The following KIF21B variants were observed in gnomAD, a reference collection of about 807,000 sequenced individuals.
KIF21B encodes the protein kinesin family member 21B, also known as kinesin-like protein KIF21B.
KIF21B carries 85 observed loss-of-function variants against 192.9 expected under a neutral mutation model. The observed-to-expected ratio is 0.44, with a 90% confidence interval of 0.37 to 0.53. KIF21B has a LOEUF of 0.53. Among genes scored for constraint, KIF21B ranks in the 20% least tolerant of loss-of-function variants. The probability of loss-of-function intolerance (pLI) is 0.00; values close to 1 mark genes in which losing one functional copy is unlikely to be tolerated. For missense variants in KIF21B, 1,716 were observed against 2,194.8 expected (o/e 0.78, Z 4.36); for synonymous variants, 832 against 884.6 (o/e 0.94, Z 1.05).
intron 3 of KIF21B, among the ~76,000 whole-genome samples, chr1:201,006,604 C>T (rs547847689): frequency 6.6e-6 from 1 of 152,278 alleles, no homozygotes; most frequent in South Asian, 2.1e-4. Context: ...GTCTGTCTGT[C>T]TGTGTTGGGG....
At position 200,975,408 on chromosome 1, in the gene KIF21B, C is replaced by T. The variant is rs2271144; in HGVS notation, c.4614+91G>A. ...TGAAAACCATCTGGCCTGGGGCCCG[C>T]GAGTCCAGGTCCCAGGGTCTCCAAG... On this transcript the variant is annotated intron_variant, in intron 33 of 34. Transcript: ENST00000461742. This position sits in a 1 kb window ranked among gnomAD's most constrained non-coding sequence, Gnocchi z 4.3. The T allele has an allele frequency of 0.02, 23,894 of 1,221,324 alleles. 1,031 individuals are homozygous for T. The highest frequency in any genetic ancestry group is 0.12 in the East Asian group (4,828 of 41,842). 75.7% of individuals were successfully genotyped at this position (1,221,324 alleles called of 1,614,324 possible). A position where few individuals can be genotyped will look rare whatever the true frequency, so the allele number is the denominator to read the frequency against.
intron 30 of KIF21B, among the ~76,000 whole-genome samples, chr1:200,977,591 C>T (rs1388245061): frequency 6.6e-6 from 1 of 152,142 alleles, no homozygotes; most frequent in African/African-American, 2.4e-5. Flanking sequence ...ATGTGGCCTG[C>T]CCATGTGCCT....
chr1:200,999,503 A>C lies in KIF21B; in HGVS notation c.1768-37T>G. 6.2e-7 allele frequency: 1 copy of C among 1,603,436 alleles called. No homozygotes were observed. Among genetic ancestry groups the C allele is most frequent in the Non-Finnish European group, 8.5e-7 (1 of 1,174,222 alleles). On this transcript the variant is annotated intron_variant, in intron 12 of 34. Transcript: ENST00000461742. The surrounding 1 kb of genome is among the most constrained non-coding windows in gnomAD (Gnocchi z 4.7). ...GCACCATTGGGGTGGGCCTGGCCTC[A>C]GAGAGGGGAGCCCAGAAGCAGAGGT... is the stretch of plus-strand genomic sequence containing the variant.
At chr1:201,020,808 TACACACACACACAC>T (rs60686711) in intron 1 of KIF21B, among the ~76,000 whole-genome samples, 1 of 142,814 alleles carries the variant, frequency 7.0e-6, no homozygotes, top group South Asian at 2.2e-4. Context: ...CTCTCTCCTC[TACACACACACACAC>T]ACACACACAC....
At chr1:201,016,091 T>C (rs116031672) in intron 1 of KIF21B, among the ~76,000 whole-genome samples, 1 of 152,240 alleles carries the variant, frequency 6.6e-6, no homozygotes, top group South Asian at 2.1e-4. Flanking sequence ...CCCATGTTAC[T>C]AAGGCTCAGC....
In KIF21B at chr1:201,000,404, C is replaced by T. The variant is rs965362431; in HGVS notation, c.1671G>A (p.Arg557=). 7 of 1,557,118 alleles carry T rather than the reference C, an allele frequency of 4.5e-6. No homozygotes were observed. In the African/African-American group the frequency reaches 8.3e-5, roughly 18 times the overall value. The change falls in exon 11 of 35, where the codon AGG becomes AGA. Residue 557 remains arginine, a synonymous_variant. Coordinates refer to ENST00000461742, the MANE Select transcript of KIF21B (RefSeq NM_001252102.2). The surrounding 1 kb of genome is among the most constrained non-coding windows in gnomAD (Gnocchi z 6.0). ...ACTCCACTCACCTCTTCCTCCGCTG[C>T]CTGACCTCCTTCTTCTTTAGCCGCT... ...DLERLKKKEV[R]QRRKSPEKEA...
chr1:200,981,317 A>G (rs1461632488), intron 28 of KIF21B, among the ~76,000 whole-genome samples: 1 of 152,232 alleles, frequency 6.6e-6, no homozygotes, highest in Admixed American at 6.5e-5. Context: ...ATCAGTTGCC[A>G]TCCTGAGCAC....
rs1655993987 is a variant in KIF21B, at chr1:200,982,384, C to T, written c.3842+672G>A. On this transcript the variant is annotated intron_variant, in intron 28 of 34. Coordinates refer to ENST00000461742, the MANE Select transcript of KIF21B (RefSeq NM_001252102.2). This position sits in a 1 kb window ranked among gnomAD's most constrained non-coding sequence, Gnocchi z 4.7. Reference sequence around the variant, plus strand: ...AGGAGAGCCGAGGAAGCTCTCAGCCCACGAGGGGCCCTTGGCTTGTCAGGG... The same window carrying T: ...AGGAGAGCCGAGGAAGCTCTCAGCCTACGAGGGGCCCTTGGCTTGTCAGGG... Among the ~76,000 whole-genome samples, 1 of 152,206 alleles carries T rather than the reference C, an allele frequency of 6.6e-6. No homozygotes were observed. The highest frequency in any genetic ancestry group is 1.5e-5 in the Non-Finnish European group (1 of 68,036).
chr1:200,989,490 G>C (rs1656530872), intron 21 of KIF21B, among the ~76,000 whole-genome samples: 1 of 152,218 alleles, frequency 6.6e-6, no homozygotes, highest in African/African-American at 2.4e-5. Context: ...CTGTCAAGGA[G>C]AGAGAAGAGG....
chr1:200,992,386 C>T lies in KIF21B; in HGVS notation c.2281G>A (p.Ala761Thr), dbSNP rs1656761893. ...EVAEMKKAKV[A>T]LMKQMREEQQ... Reference sequence around the variant, plus strand: ...TCCTCACGCATCTGCTTCATCAGGGCCACCTGGGATGGGCAGAGATTATGG... The same window carrying T: ...TCCTCACGCATCTGCTTCATCAGGGTCACCTGGGATGGGCAGAGATTATGG... The change falls in exon 16 of 35, where the codon GCC (alanine) becomes ACC (threonine). Residue 761 changes from alanine to threonine, a missense_variant. Physicochemically the swap from Ala to Thr is moderately conservative, Grantham distance 58. This residue lies in a region of KIF21B where 1,087 missense variants were observed against 1,316.6 expected (regional missense o/e 0.83). Coordinates refer to ENST00000461742, the MANE Select transcript of KIF21B (RefSeq NM_001252102.2). 3 of 1,612,492 alleles carry T rather than the reference C, an allele frequency of 1.9e-6. No homozygotes were observed. Among genetic ancestry groups the T allele is most frequent in the Non-Finnish European group, 2.5e-6 (3 of 1,180,026 alleles).
At position 200,983,102 on chromosome 1, in the gene KIF21B, G is replaced by A. The variant is rs1444717029; in HGVS notation, c.3804-8C>T. On this transcript the variant is annotated splice_polypyrimidine_tract_variant and splice_region_variant and intron_variant, in intron 27 of 34. Coordinates refer to ENST00000461742, the MANE Select transcript of KIF21B (RefSeq NM_001252102.2). Reference sequence around the variant, plus strand: ...GAGTCGCTGTCATCAGACCTGGGGAGGGCAGAAAATTAGCTGGATTAGGGG... The same window carrying A: ...GAGTCGCTGTCATCAGACCTGGGGAAGGCAGAAAATTAGCTGGATTAGGGG... 6.5e-7 allele frequency: 1 copy of A among 1,535,820 alleles called. No individual in the cohort carries two copies. The highest frequency in any genetic ancestry group is 8.7e-7 in the Non-Finnish European group (1 of 1,146,748).
Position 200,988,832 on chromosome 1 carries a change from C to A in KIF21B, c.3232G>T (p.Asp1078Tyr). 5 of 1,613,578 alleles carry A rather than the reference C, an allele frequency of 3.1e-6. No homozygotes were observed. Among genetic ancestry groups the A allele is most frequent in the Non-Finnish European group, 4.2e-6 (5 of 1,179,790 alleles). The change falls in exon 22 of 35, where the codon GAC (aspartate) becomes TAC (tyrosine). Residue 1078 changes from aspartate (D) to tyrosine (Y), a missense_variant. This residue lies in a region of KIF21B where 580 missense variants were observed against 775.5 expected (regional missense o/e 0.75). Coordinates refer to ENST00000461742, the MANE Select transcript of KIF21B (RefSeq NM_001252102.2). ...GCTTCAGCCTTCTCACGCAGGGCGT[C>A]CAGGAGCAGATGGTTCTGGGAGGAG... is the stretch of plus-strand genomic sequence containing the variant. ...AGSSQNHLLL[D>Y]ALREKAEAHP...
rs745930176 is a variant in KIF21B at position 200,992,312 on chromosome 1, T to C, written c.2355A>G (p.Ala785=). 60 of 1,612,760 alleles carry C rather than the reference T, an allele frequency of 3.7e-5. No individual in the cohort carries two copies. The highest frequency in any genetic ancestry group is 4.4e-5 in the Non-Finnish European group (52 of 1,180,042). ...GTCGCCGCTGCTCCTTCTTGAGCTG[T>C]GCGATCTCCCGGTTCCTCTTGGTCT... ...LVETKRNREI[A]QLKKEQRRQE... is the part of the protein sequence containing the mutation. Residue 785 remains alanine (A), a synonymous_variant, in exon 16 of 35, where the codon GCA becomes GCG. Transcript: ENST00000461742.
chr1:200,990,817 C>G lies in KIF21B; in HGVS notation c.2688-94G>C. On this transcript the variant is annotated intron_variant, in intron 18 of 34. Coordinates refer to ENST00000461742, the MANE Select transcript of KIF21B (RefSeq NM_001252102.2). This position sits in a 1 kb window ranked among gnomAD's most constrained non-coding sequence, Gnocchi z 5.4. ...TCTGGAGCTGACAGCCACGGGGACCCGGAGCACTCCCCAGAGCTTCCCTCT... is the reference window on the plus strand; with the variant it reads ...TCTGGAGCTGACAGCCACGGGGACCGGGAGCACTCCCCAGAGCTTCCCTCT... The G allele has an allele frequency of 1.9e-6, 3 of 1,591,978 alleles. No individual in the cohort carries two copies. The highest frequency in any genetic ancestry group is 2.6e-6 in the Non-Finnish European group (3 of 1,164,222).
rs763091394 is a variant in KIF21B, at chr1:201,000,745, T to G, written c.1438A>C (p.Asn480His). Residue 480 changes from asparagine (N) to histidine (H), a missense_variant, in exon 10 of 35, where the codon AAC becomes CAC. Asn to His is a moderately conservative substitution (Grantham distance 68). Transcript: ENST00000461742. The surrounding 1 kb of genome is among the most constrained non-coding windows in gnomAD (Gnocchi z 6.0). Reference sequence around the variant, plus strand: ...AGCTCCTCGATCTCCCGGATGTAGTTCTGGATCAGCGCACCAATGGCCTCA... The same window carrying G: ...AGCTCCTCGATCTCCCGGATGTAGTGCTGGATCAGCGCACCAATGGCCTCA... Reference protein sequence around the residue: ...GNEAIGALIQNYIREIEELRT... With the variant: ...GNEAIGALIQHYIREIEELRT... 1.2e-6 allele frequency: 2 copies of G among 1,614,212 alleles called. No individual in the cohort carries two copies. Among genetic ancestry groups the G allele is most frequent in the South Asian group, 2.2e-5 (2 of 91,084 alleles).
At position 200,998,475 on chromosome 1, in the gene KIF21B, C is replaced by T. The variant is rs746573596; in HGVS notation, c.1986G>A (p.Thr662=). The change falls in exon 14 of 35, where the codon ACG becomes ACA. Residue 662 remains threonine (T), a synonymous_variant. Coordinates refer to ENST00000461742, the MANE Select transcript of KIF21B (RefSeq NM_001252102.2). This position sits in a 1 kb window ranked among gnomAD's most constrained non-coding sequence, Gnocchi z 4.3. ...GCTTTTCCTCATACTGGTGCTTGAG[C>T]GTCTGCAACCGCCGCTGGCTGTTCT... is the stretch of plus-strand genomic sequence containing the variant. ...ELENSQRRLQ[T]LKHQYEEKLI... 55 of 1,613,918 alleles carry T rather than the reference C, an allele frequency of 3.4e-5. No individual in the cohort carries two copies. Among genetic ancestry groups the T allele is most frequent in the South Asian group, 4.4e-5 (4 of 91,086 alleles).
At position 200,992,193 on chromosome 1, in the gene KIF21B, C is replaced by T. The variant is rs552787690; in HGVS notation, c.2385+89G>A. 184 of 1,143,182 alleles carry T rather than the reference C, an allele frequency of 1.6e-4. 1 individual carries two copies. The highest frequency in any genetic ancestry group is 4.6e-4 in the Middle Eastern group (2 of 4,358). 70.8% of individuals were successfully genotyped at this position (1,143,182 alleles called of 1,614,324 possible). ...ACTTAGGACAGTGGAGACTGAGGCCCGCTTGGTCAGGAGGGGCAGCCAGGT... is the reference window on the plus strand; with the variant it reads ...ACTTAGGACAGTGGAGACTGAGGCCTGCTTGGTCAGGAGGGGCAGCCAGGT... On this transcript the variant is annotated intron_variant, in intron 16 of 34. Transcript: ENST00000461742.
In KIF21B at chr1:201,023,031, CT is replaced by C. The variant is rs1012318168; in HGVS notation, c.41+311del. ...GAGGCGAAGAGGAAACGCACAGACGCTCCGGCCTGGGCCAGAGCTGGGTGTG... is the reference window on the plus strand; with the variant it reads ...GAGGCGAAGAGGAAACGCACAGACGCCCGGCCTGGGCCAGAGCTGGGTGTG... On this transcript the variant is annotated intron_variant, in intron 1 of 34. Transcript: ENST00000461742. This position sits in a 1 kb window ranked among gnomAD's most constrained non-coding sequence, Gnocchi z 5.9. 6.6e-6 allele frequency among the ~76,000 whole-genome samples: 1 copy of C among 152,268 alleles called. No homozygotes were observed. Among genetic ancestry groups the C allele is most frequent in the Admixed American group, 6.5e-5 (1 of 15,292 alleles).
At chr1:201,006,969 C>G (rs1237852012) in intron 3 of KIF21B, among the ~76,000 whole-genome samples, 2 of 144,540 alleles carry the variant, frequency 1.4e-5, no homozygotes, top group African/African-American at 5.2e-5. Flanking sequence ...CACACAGACA[C>G]CCACTCACAG....
Sources: gnomAD v4.1 joint callset for allele counts (sites outside exome capture counted in the v4.1 genomes callset) on GRCh38, gnomAD v4.1.1 for gene constraint, gnomAD v4.1.1 regional missense constraint, Gnocchi (gnomAD v3.1) non-coding constraint, MANE v1.5 for transcripts, NCBI Gene and HGNC (gene_info 2026-07-23, HGNC 2026-07-21) for gene names.